The following SLC39A11 variants were observed in gnomAD, a reference collection of about 807,000 sequenced individuals.
The protein encoded by SLC39A11 is solute carrier family 39 member 11, also known as zinc transporter ZIP11.
SLC39A11 carries 33 observed loss-of-function variants against 36.1 expected under a neutral mutation model. That is an observed-to-expected ratio of 0.91 (90% CI 0.69 to 1.22). The LOEUF (loss-of-function observed/expected upper bound fraction) is 1.22. Among genes scored for constraint, SLC39A11 ranks in the 50% most tolerant of loss-of-function variants. The probability of loss-of-function intolerance (pLI) is 0.00; values close to 1 mark genes in which losing one functional copy is unlikely to be tolerated. For synonymous variants in SLC39A11, 166 were observed against 170.3 expected, an observed-to-expected ratio of 0.97 and a Z score of 0.20; for missense variants, 432 against 430.3, an observed-to-expected ratio of 1.00 and a Z score of -0.03.
chr17:73,013,203 T>G (rs2090621064), intron 4 of SLC39A11, among the ~76,000 whole-genome samples: 1 of 152,220 alleles, frequency 6.6e-6, no homozygotes, highest in Non-Finnish European at 1.5e-5. Context: ...GGAACCTGCC[T>G]CAGCCTCCCG....
rs558269384 is a variant in SLC39A11 at position 73,003,903 on chromosome 17, T to C, written c.306+27653A>G. 3.9e-5 allele frequency among the ~76,000 whole-genome samples: 6 copies of C among 152,090 alleles called. No homozygotes were observed. In the South Asian group the frequency reaches 1.0e-3, roughly 26 times the overall value. On this transcript the variant is annotated intron_variant, in intron 4 of 9. Coordinates refer to ENST00000255559, the MANE Select transcript of SLC39A11 (RefSeq NM_139177.4). Reference sequence around the variant, plus strand: ...GAGTTTGAGACCAGCCTGGCCAACATGGTGAAACCCCGTCTCTACTAAAAA... The same window carrying C: ...GAGTTTGAGACCAGCCTGGCCAACACGGTGAAACCCCGTCTCTACTAAAAA...
At chr17:73,050,315 GT>G (rs145230036) in intron 3 of SLC39A11, among the ~76,000 whole-genome samples, 20,108 of 95,486 alleles carry the variant, frequency 0.21, 1,648 homozygotes, top group South Asian at 0.3. Flanking sequence ...AGTTTGGTCT[GT>G]TTGTGGCAAA....
At chr17:72,766,774 A>AT (rs1455216419) in intron 6 of SLC39A11, among the ~76,000 whole-genome samples, 4 of 152,176 alleles carry the variant, frequency 2.6e-5, no homozygotes, top group Admixed American at 6.5e-5. Flanking sequence ...AAGCACTGTC[A>AT]TTTTTTAAAG....
At chr17:72,893,387 G>T (rs1444264078) in intron 5 of SLC39A11, among the ~76,000 whole-genome samples, 1 of 152,180 alleles carries the variant, frequency 6.6e-6, no homozygotes, top group African/African-American at 2.4e-5. Flanking sequence ...CTTGAAATGG[G>T]GGGTGGAGGT....
intron 5 of SLC39A11, among the ~76,000 whole-genome samples, chr17:72,939,390 C>T (rs2084955575): frequency 6.7e-6 from 1 of 149,890 alleles, no homozygotes; most frequent in African/African-American, 2.5e-5. Context: ...ACCCGGGAGG[C>T]GGAGGTTGCA....
Position 72,893,002 on chromosome 17 carries a change from T to C in SLC39A11, c.431-43198A>G, listed in dbSNP as rs145625596. 2.0e-5 allele frequency among the ~76,000 whole-genome samples: 3 copies of C among 152,328 alleles called. No homozygotes were observed. The East Asian group carries it at 5.8e-4, about 29-fold the overall frequency. Reference sequence around the variant, plus strand: ...GAAATGAGGTCTTCGTAATGATAGCTATGACTTTGATTTCAAATACTGTGC... The same window carrying C: ...GAAATGAGGTCTTCGTAATGATAGCCATGACTTTGATTTCAAATACTGTGC... On this transcript the variant is annotated intron_variant, in intron 5 of 9. Transcript: ENST00000255559.
At chr17:72,703,077 C>T (rs2143095112) in intron 7 of SLC39A11, among the ~76,000 whole-genome samples, 1 of 152,086 alleles carries the variant, frequency 6.6e-6, no homozygotes, top group South Asian at 2.1e-4. Context: ...CACCAGACAC[C>T]AGAGCTGTCG....
chr17:72,732,080 G>T (rs112840606), intron 7 of SLC39A11, among the ~76,000 whole-genome samples: 4,971 of 82,164 alleles, frequency 0.061, 135 homozygotes, highest in Middle Eastern at 0.25. Context: ...ACAGAGTCTC[G>T]CTCTGTTGCC....
At chr17:72,761,443 A>C (rs1483416868) in intron 6 of SLC39A11, among the ~76,000 whole-genome samples, 1 of 152,242 alleles carries the variant, frequency 6.6e-6, no homozygotes. Context: ...GTTCTATTAA[A>C]GCATTTCAGT....
intron 7 of SLC39A11, among the ~76,000 whole-genome samples, chr17:72,678,104 A>T (rs959910495): frequency 6.6e-6 from 1 of 152,214 alleles, no homozygotes; most frequent in African/African-American, 2.4e-5. Context: ...CATACAAAAA[A>T]TTTATAACTT....
chr17:72,685,400 T>C (rs935077533), intron 7 of SLC39A11, among the ~76,000 whole-genome samples: 2 of 152,272 alleles, frequency 1.3e-5, no homozygotes, highest in African/African-American at 4.8e-5. Flanking sequence ...AAAATAACTT[T>C]CTGTGCAGAG....
chr17:73,048,764 GC>G (rs2059400942), intron 3 of SLC39A11, among the ~76,000 whole-genome samples: 1 of 152,196 alleles, frequency 6.6e-6, no homozygotes, highest in Admixed American at 6.5e-5. Flanking sequence ...TGGCCTACAA[GC>G]GGATACTACG....
chr17:72,710,032 T>A (rs1342006315), intron 7 of SLC39A11, among the ~76,000 whole-genome samples: 1 of 152,236 alleles, frequency 6.6e-6, no homozygotes, highest in African/African-American at 2.4e-5. Flanking sequence ...TTGAGGAACA[T>A]GCAGAAGTCT....
At chr17:72,747,827 G>T (rs1051096693) in intron 6 of SLC39A11, among the ~76,000 whole-genome samples, 4 of 152,182 alleles carry the variant, frequency 2.6e-5, no homozygotes, top group African/African-American at 9.7e-5. Flanking sequence ...AACCAGCCAG[G>T]TATTATTGCC....
At chr17:73,037,429 C>T (rs546078581) in intron 3 of SLC39A11, among the ~76,000 whole-genome samples, 3 of 152,326 alleles carry the variant, frequency 2.0e-5, no homozygotes, top group South Asian at 4.1e-4. Context: ...TATCTGATTA[C>T]CTCTCAACTA....
chr17:73,032,187 T>C (rs530107053), intron 3 of SLC39A11, among the ~76,000 whole-genome samples: 5 of 151,438 alleles, frequency 3.3e-5, no homozygotes, highest in African/African-American at 1.2e-4. Context: ...TCAATGAGAA[T>C]GCTGTTGCGA....
chr17:73,001,174 G>C (rs948497679), intron 4 of SLC39A11, among the ~76,000 whole-genome samples: 2 of 151,838 alleles, frequency 1.3e-5, no homozygotes, highest in Non-Finnish European at 2.9e-5. Context: ...TCCTCATCCC[G>C]AGCAGTGGTA....
At chr17:72,994,281 A>C (rs111383115) in intron 4 of SLC39A11, among the ~76,000 whole-genome samples, 1,889 of 152,336 alleles carry the variant, frequency 0.012, 39 homozygotes, top group African/African-American at 0.043. Flanking sequence ...TGATGTGGAT[A>C]AATTTTATTC....
At chr17:72,975,830 T>C (rs2087801587) in intron 4 of SLC39A11, among the ~76,000 whole-genome samples, 1 of 152,090 alleles carries the variant, frequency 6.6e-6, no homozygotes, top group African/African-American at 2.4e-5. Context: ...GTATGGTGTA[T>C]AGAGCAGGTA....
Sources: gnomAD v4.1 joint callset for allele counts (sites outside exome capture counted in the v4.1 genomes callset) on GRCh38, gnomAD v4.1.1 for gene constraint, MANE v1.5 for transcripts, NCBI Gene and HGNC (gene_info 2026-07-23, HGNC 2026-07-21) for gene names.